TRIM15: variants seen among roughly 807,000 people sequenced by gnomAD.
TRIM15 encodes E3 ubiquitin-protein ligase TRIM15.
A neutral mutation model predicts 35.8 loss-of-function variants in TRIM15; 35 were observed. The observed-to-expected ratio is 0.98, with a 90% confidence interval of 0.75 to 1.30. TRIM15 has a LOEUF of 1.30. Ranked by LOEUF, TRIM15 falls within the 50% of genes most tolerant of loss-of-function variation. The probability of loss-of-function intolerance (pLI) is 0.00; values close to 1 mark genes in which losing one functional copy is unlikely to be tolerated. For synonymous variants in TRIM15, 252 were observed against 249.8 expected, an observed-to-expected ratio of 1.01 and a Z score of -0.08; for missense variants, 590 against 593.5, an observed-to-expected ratio of 0.99 and a Z score of 0.06.
At chr6:30,166,256 A>G (rs1019316352) in intron 1 of TRIM15, among the ~76,000 whole-genome samples, 2 of 152,146 alleles carry the variant, frequency 1.3e-5, no homozygotes, top group Non-Finnish European at 2.9e-5. Flanking sequence ...TTAAGTCTTT[A>G]ATCCATCTTG....
intron 4 of TRIM15, 61 bp from the exon 5 acceptor site, chr6:30,170,440 G>A: frequency 9.4e-7 from 1 of 1,064,148 alleles, no homozygotes; most frequent in Non-Finnish European, 1.4e-6. Context: ...GCCTCACGTG[G>A]TCTCACCCGA....
chr6:30,172,400 C>T lies in TRIM15; in HGVS notation c.*51C>T. The T allele has an allele frequency of 6.4e-7, 1 of 1,551,166 alleles. No homozygotes were observed. The highest frequency in any genetic ancestry group is 1.2e-5 in the South Asian group (1 of 81,212). On this transcript the variant is annotated 3_prime_UTR_variant, in exon 7 of 7. Transcript: ENST00000376694. ...GCGGAGACGGCGGCTCTCCGGGATC[C>T]AGCTCCGCCCCTGGCCAGTGTGCGG...
chr6:30,165,070 G>C (rs115380119), intron 1 of TRIM15, among the ~76,000 whole-genome samples: 4,276 of 149,766 alleles, frequency 0.029, 107 homozygotes, highest in Middle Eastern at 0.056. Context: ...CTCTCTCTCT[G>C]TTTTTAAGTA....
chr6:30,167,582 C>A (rs1394526691), intron 2 of TRIM15, among the ~76,000 whole-genome samples: 2 of 152,184 alleles, frequency 1.3e-5, no homozygotes, highest in Non-Finnish European at 2.9e-5. Context: ...TTTCTTGACC[C>A]TTAATTCATT....
chr6:30,170,657 C>A (rs990956166), intron 5 of TRIM15, 41 bp downstream of exon 5: 2 of 1,479,486 alleles, frequency 1.4e-6, no homozygotes, highest in South Asian at 2.3e-5. Flanking sequence ...GTCCCATTAG[C>A]TGCCCTCCTG....
rs372485710 is a variant in TRIM15 at position 30,169,280 on chromosome 6, G to C, written c.731+17G>C. 6.2e-7 allele frequency: 1 copy of C among 1,612,880 alleles called. No individual in the cohort carries two copies. Among genetic ancestry groups the C allele is most frequent in the Non-Finnish European group, 8.5e-7 (1 of 1,180,004 alleles). ...CCAGAGCAGGTAGGGCCCACTCCCC[G>C]GTCCTGCCTCCTTTTACTCAACATC... is the stretch of plus-strand genomic sequence containing the variant. On this transcript the variant is annotated intron_variant, in intron 4 of 6. Coordinates refer to ENST00000376694, the MANE Select transcript of TRIM15 (RefSeq NM_033229.3).
intron 1 of TRIM15, among the ~76,000 whole-genome samples, chr6:30,165,068 CTGTTTT>C (rs970933928): frequency 1.3e-5 from 2 of 151,926 alleles, no homozygotes; most frequent in African/African-American, 4.8e-5. Flanking sequence ...ACCTCTCTCT[CTGTTTT>C]TAAGTATACA....
At chr6:30,166,535 C>T (rs548909114) in intron 1 of TRIM15, among the ~76,000 whole-genome samples, 10 of 152,234 alleles carry the variant, frequency 6.6e-5, no homozygotes, top group South Asian at 2.1e-4. Context: ...AGTCAGGTAG[C>T]ATGATGCCTC....
chr6:30,167,385 C>T (rs1581599934), intron 2 of TRIM15, 114 bp downstream of exon 2: 2 of 822,150 alleles, frequency 2.4e-6, no homozygotes, highest in South Asian at 3.3e-5. Flanking sequence ...AAACTGTTCT[C>T]GTTCACCTTC....
chr6:30,169,468 T>C (rs1358279603), intron 4 of TRIM15: 1 of 709,580 alleles, frequency 1.4e-6, no homozygotes, highest in Non-Finnish European at 2.6e-6. Flanking sequence ...TTGGTTGGTA[T>C]TGGGGACACA....
Position 30,163,554 on chromosome 6 carries a change from T to TCTTTCTCTCTATCTGTCTCTC in TRIM15, c.-131_-130insCTTTCTCTCTATCTGTCTCTC. ...CTGGCATTCTTGCCTCTCTCTCTCT[T>TCTTTCTCTCTATCTGTCTCTC]TCTCTCTCTCTGTCTCTTAGCCTTG... On this transcript the variant is annotated 5_prime_UTR_variant, in exon 1 of 7. Coordinates refer to ENST00000376694, the MANE Select transcript of TRIM15 (RefSeq NM_033229.3). 1 of 1,136,868 alleles carries TCTTTCTCTCTATCTGTCTCTC rather than the reference T, an allele frequency of 8.8e-7. No individual in the cohort carries two copies. Among genetic ancestry groups the TCTTTCTCTCTATCTGTCTCTC allele is most frequent in the Non-Finnish European group, 1.2e-6 (1 of 850,344 alleles). The allele number at this position is 1,136,868 out of a possible 1,614,324, so 70.4% of individuals were successfully genotyped here. A position where few individuals can be genotyped will look rare whatever the true frequency, so the allele number is the denominator to read the frequency against.
At chr6:30,170,070 G>GT (rs1002358106) in intron 4 of TRIM15, among the ~76,000 whole-genome samples, 1 of 152,090 alleles carries the variant, frequency 6.6e-6, no homozygotes, top group African/African-American at 2.4e-5. Flanking sequence ...AGAATCAGGA[G>GT]TTTTTTTCAT....
At chr6:30,169,006 A>C (rs968544139) in intron 3 of TRIM15, among the ~76,000 whole-genome samples, 1 of 151,960 alleles carries the variant, frequency 6.6e-6, no homozygotes. Flanking sequence ...GACACAACCC[A>C]CCCCCACGAT....
chr6:30,167,983 T>C lies in TRIM15; in HGVS notation c.478-317T>C, dbSNP rs368965086. Among the ~76,000 whole-genome samples, 4 of 152,338 alleles carry C rather than the reference T, an allele frequency of 2.6e-5. No individual in the cohort carries two copies. In the East Asian group the frequency reaches 7.7e-4, roughly 29 times the overall value. On this transcript the variant is annotated intron_variant, in intron 2 of 6. Transcript: ENST00000376694. ...TGCCTCTAAGAAATTATTACAGTCT[T>C]CCCCACCTAACTCTAAGAAGGCATA...
At chr6:30,171,690 A>T in intron 6 of TRIM15, 142 bp from the exon 7 acceptor site, 1 of 1,078,782 alleles carries the variant, frequency 9.3e-7, no homozygotes, top group Non-Finnish European at 1.3e-6. Flanking sequence ...CTTGCTGATT[A>T]GGTAGAAGGG....
intron 6 of TRIM15, 151 bp downstream of exon 6, chr6:30,171,159 T>G (rs118105893): frequency 1.1e-5 from 9 of 792,538 alleles, no homozygotes; most frequent in Non-Finnish European, 1.8e-5. Context: ...GGGCAAGTTA[T>G]TAAGCCTCTG....
At position 30,171,937 on chromosome 6, in the gene TRIM15, C is replaced by G. The variant is rs1286550951; in HGVS notation, c.986C>G (p.Pro329Arg). Residue 329 changes from proline to arginine, a missense_variant, in exon 7 of 7, where the codon CCC becomes CGC. By Grantham distance (103) the Pro-to-Arg change is moderately radical. Coordinates refer to ENST00000376694, the MANE Select transcript of TRIM15 (RefSeq NM_033229.3). ...TRQKKSLPDSPLRFDGLPAVL... is the reference protein window; with the variant it reads ...TRQKKSLPDSRLRFDGLPAVL... ...CAGAAGAAGAGCCTGCCAGACAGCC[C>G]CCTGCGCTTCGACGGCCTCCCGGCG... is the stretch of plus-strand genomic sequence containing the variant. 1.9e-5 allele frequency: 30 copies of G among 1,597,310 alleles called. No individual in the cohort carries two copies. The highest frequency in any genetic ancestry group is 2.5e-5 in the Non-Finnish European group (29 of 1,172,212).
chr6:30,171,413 A>T (rs1194948575), intron 6 of TRIM15, among the ~76,000 whole-genome samples: 1 of 152,172 alleles, frequency 6.6e-6, no homozygotes, highest in Non-Finnish European at 1.5e-5. Flanking sequence ...AAAATGTGCA[A>T]TTTTTTAAAA....
At chr6:30,169,125 A>G in intron 3 of TRIM15, 116 bp from the exon 4 acceptor site, 1 of 1,241,532 alleles carries the variant, frequency 8.1e-7, no homozygotes, top group Non-Finnish European at 1.2e-6. Flanking sequence ...TAAACAGGAC[A>G]ACTCTCTGCA....
Sources: gnomAD v4.1 joint callset for allele counts (sites outside exome capture counted in the v4.1 genomes callset) on GRCh38, gnomAD v4.1.1 for gene constraint, MANE v1.5 for transcripts, NCBI Gene and HGNC (gene_info 2026-07-23, HGNC 2026-07-21) for gene names.